Variants in PCDH11X observed in about 807,000 individuals in gnomAD.
PCDH11X encodes protocadherin-11 X-linked.
In PCDH11X, 18 loss-of-function variants were observed where a neutral mutation model predicts 53.3. The observed-to-expected ratio is 0.34, with a 90% CI of 0.23 to 0.50. The LOEUF (loss-of-function observed/expected upper bound fraction) is 0.50, where lower values mean the gene tolerates loss of function less well. Ranked by LOEUF, PCDH11X falls within the 20% of genes least tolerant of loss-of-function variation. PCDH11X has a pLI of 0.98. For synonymous variants in PCDH11X, 279 were observed against 393.3 expected (o/e 0.71, Z 3.44); for missense variants, 570 against 1,032.4 (o/e 0.55, Z 6.14).
chrX:92,149,231 A>T (rs1193555666), intron 6 of PCDH11X, among the ~76,000 whole-genome samples: 1 of 109,374 alleles, frequency 9.1e-6, no homozygotes, highest in Non-Finnish European at 1.9e-5. Context: ...GGCCTGGCAT[A>T]GCAACTGAAT....
chrX:92,079,428 T>C (rs1344962900), intron 6 of PCDH11X, among the ~76,000 whole-genome samples: 2 of 110,710 alleles, frequency 1.8e-5, no homozygotes, highest in Non-Finnish European at 3.8e-5. Flanking sequence ...GACCAGAAGA[T>C]AGAGATGGCA....
At chrX:91,886,094 T>C (rs1393503277) in intron 6 of PCDH11X, among the ~76,000 whole-genome samples, 14 of 111,963 alleles carry the variant, frequency 1.3e-4, no homozygotes, top group Non-Finnish European at 7.5e-5. Flanking sequence ...AGGACAAAAA[T>C]ATTTATTTCC....
At chrX:92,413,652 T>C in intron 9 of PCDH11X, among the ~76,000 whole-genome samples, 1 of 108,977 alleles carries the variant, frequency 9.2e-6, no homozygotes, top group African/African-American at 3.4e-5. Flanking sequence ...CATAAGGGAT[T>C]GCAGCCTGCA....
intron 6 of PCDH11X, among the ~76,000 whole-genome samples, chrX:92,078,493 A>G (rs2063808978): frequency 9.0e-6 from 1 of 111,317 alleles, no homozygotes. Context: ...TCTTCAAGTC[A>G]TTTTAAGAGT....
chrX:91,915,079 G>A (rs957623738), intron 6 of PCDH11X, among the ~76,000 whole-genome samples: 1 of 106,261 alleles, frequency 9.4e-6, no homozygotes, highest in African/African-American at 3.4e-5. Flanking sequence ...AGAGGGGATT[G>A]AGGTCCCATC....
chrX:91,885,433 A>G (rs1222676518), intron 6 of PCDH11X, among the ~76,000 whole-genome samples: 1 of 110,900 alleles, frequency 9.0e-6, no homozygotes, highest in African/African-American at 3.3e-5. Flanking sequence ...CTACAGTCTC[A>G]ATTTAATTTT....
At chrX:92,255,472 C>T (rs1388885007) in intron 7 of PCDH11X, among the ~76,000 whole-genome samples, 2 of 109,326 alleles carry the variant, frequency 1.8e-5, no homozygotes, top group African/African-American at 3.3e-5. Context: ...AGCTTTGTTC[C>T]ATTGCTGGTG....
At chrX:92,015,082 A>G (rs1256655467) in intron 6 of PCDH11X, among the ~76,000 whole-genome samples, 1 of 112,337 alleles carries the variant, frequency 8.9e-6, no homozygotes, top group Middle Eastern at 4.2e-3. Flanking sequence ...AAGATATAAA[A>G]TAAAATAATG....
intron 10 of PCDH11X, among the ~76,000 whole-genome samples, chrX:92,605,310 T>C (rs1340951935): frequency 9.0e-6 from 1 of 110,726 alleles, no homozygotes; most frequent in Non-Finnish European, 1.9e-5. Context: ...TCTTCCTAAG[T>C]AATAAATTGG....
intron 6 of PCDH11X, among the ~76,000 whole-genome samples, chrX:91,907,412 C>CACCCACACACAGAGAGAG (rs756926383): frequency 1.7e-5 from 1 of 57,469 alleles, no homozygotes; most frequent in African/African-American, 7.5e-5. Flanking sequence ...CACACACACA[C>CACCCACACACAGAGAGAG]AGAGAGAGAG....
intron 8 of PCDH11X, among the ~76,000 whole-genome samples, chrX:92,376,739 AAAAT>A (rs746096529): frequency 1.8e-5 from 2 of 111,595 alleles, no homozygotes; most frequent in African/African-American, 3.3e-5. Context: ...ACTTTTTGCA[AAAAT>A]AAATAAATAA....
At chrX:92,087,499 T>C (rs1234477534) in intron 6 of PCDH11X, among the ~76,000 whole-genome samples, 5 of 111,592 alleles carry the variant, frequency 4.5e-5, no homozygotes, top group Admixed American at 1.9e-4. Flanking sequence ...TATTGTCTGT[T>C]GTCTTTCAAT....
At chrX:92,127,977 A>G (rs1428786012) in intron 6 of PCDH11X, among the ~76,000 whole-genome samples, 1 of 105,622 alleles carries the variant, frequency 9.5e-6, no homozygotes. Flanking sequence ...AGAGTAAGCC[A>G]AAAGAGTAAT....
intron 6 of PCDH11X, among the ~76,000 whole-genome samples, chrX:91,925,729 T>A (rs998210197): frequency 9.0e-6 from 1 of 111,215 alleles, no homozygotes; most frequent in Non-Finnish European, 1.9e-5. Context: ...TCATAGTTAA[T>A]AATACTATTC....
At chrX:91,802,168 T>C (rs1264475308) in intron 1 of PCDH11X, among the ~76,000 whole-genome samples, 5 of 113,236 alleles carry the variant, frequency 4.4e-5, no homozygotes, top group Non-Finnish European at 9.4e-5. Context: ...GCAATCTGTG[T>C]TCCCCCTCAG....
intron 9 of PCDH11X, among the ~76,000 whole-genome samples, chrX:92,449,548 A>T (rs1458202705): frequency 2.7e-5 from 3 of 111,865 alleles, no homozygotes; most frequent in Admixed American, 9.5e-5. Context: ...CATTTTAAAG[A>T]TGTGGAAATT....
At chrX:92,606,377 T>C (rs2148812988) in intron 10 of PCDH11X, among the ~76,000 whole-genome samples, 1 of 108,788 alleles carries the variant, frequency 9.2e-6, no homozygotes, top group South Asian at 4.0e-4. Context: ...CTCAAACCAA[T>C]AGCAATCAAT....
At chrX:92,255,438 G>A (rs1300404241) in intron 7 of PCDH11X, among the ~76,000 whole-genome samples, 5 of 107,746 alleles carry the variant, frequency 4.6e-5, no homozygotes, top group Non-Finnish European at 9.6e-5. Flanking sequence ...TCTTCTCTCA[G>A]CTCGTCAAAG....
chrX:91,835,978 T>C lies in PCDH11X; in HGVS notation c.474T>C (p.Tyr158=). 2 of 1,211,147 alleles carry C rather than the reference T, an allele frequency of 1.7e-6. No homozygotes were observed. The highest frequency in any genetic ancestry group is 2.2e-6 in the Non-Finnish European group (2 of 895,362). The change falls in exon 5 of 11, where the codon TAT becomes TAC. Residue 158 remains tyrosine, a synonymous_variant. Coordinates refer to ENST00000682573, the MANE Select transcript of PCDH11X (RefSeq NM_032968.5). ...AGAACTCGGCTATAAACTCTAAATA[T>C]ACTCTCCCAGCGGCTGTTGATCCTG... The part of the protein sequence containing the change: ...IPENSAINSK[Y]TLPAAVDPDV...
Sources: allele counts gnomAD v4.1 joint callset (sites outside exome capture counted in the v4.1 genomes callset), GRCh38; gene constraint gnomAD v4.1.1; transcripts MANE v1.5; gene names NCBI Gene and HGNC (gene_info 2026-07-23, HGNC 2026-07-21).